Variants in RGS5 observed in about 807,000 individuals in gnomAD.
RGS5 encodes regulator of G-protein signalling 5.
In RGS5, 20 loss-of-function variants were observed where a neutral mutation model predicts 18.9. The observed-to-expected ratio is 1.06, with a 90% CI of 0.74 to 1.54. RGS5 has a LOEUF of 1.54. Among genes scored for constraint, RGS5 ranks in the 40% most tolerant of loss-of-function variants. The probability of loss-of-function intolerance (pLI) is 0.00; values close to 1 mark genes in which losing one functional copy is unlikely to be tolerated. For missense variants in RGS5, 201 were observed against 211.8 expected (o/e 0.95, Z 0.32); for synonymous variants, 57 against 76.2 (o/e 0.75, Z 1.31).
intron 2 of RGS5, among the ~76,000 whole-genome samples, chr1:163,245,659 A>G (rs149180577): frequency 2.0e-5 from 3 of 152,306 alleles, no homozygotes; most frequent in South Asian, 4.1e-4. Flanking sequence ...ATTTAGATGT[A>G]TTATTTTACC....
At chr1:163,230,999 C>A in intron 2 of RGS5, among the ~76,000 whole-genome samples, 1 of 152,244 alleles carries the variant, frequency 6.6e-6, no homozygotes, top group Middle Eastern at 3.4e-3. Context: ...GGACTTTGCA[C>A]AAGTGATTGA....
At chr1:163,277,672 T>C (rs1252170483) in intron 2 of RGS5, among the ~76,000 whole-genome samples, 1 of 152,200 alleles carries the variant, frequency 6.6e-6, no homozygotes, top group Non-Finnish European at 1.5e-5. Flanking sequence ...GTCTCATTCA[T>C]TGTCTCTGGG....
intron 2 of RGS5, among the ~76,000 whole-genome samples, chr1:163,263,789 G>A (rs1019039909): frequency 4.6e-5 from 7 of 151,718 alleles, no homozygotes; most frequent in African/African-American, 1.7e-4. Flanking sequence ...GAGGAAATGA[G>A]AATCATGAAA....
intron 1 of RGS5, among the ~76,000 whole-genome samples, chr1:163,193,684 T>C (rs1659446471): frequency 6.6e-6 from 1 of 152,166 alleles, no homozygotes; most frequent in South Asian, 2.1e-4. Context: ...ACGCCTGACA[T>C]GGATTTATGC....
At chr1:163,212,112 C>T (rs1463373395) in intron 1 of RGS5, 2 of 152,178 alleles carry the variant, frequency 1.3e-5, no homozygotes, top group African/African-American at 4.8e-5. Context: ...TCCTTCTTCA[C>T]AAATGTCTTT....
chr1:163,282,525 G>C (rs890956332), intron 2 of RGS5, among the ~76,000 whole-genome samples: 6 of 152,028 alleles, frequency 3.9e-5, no homozygotes, highest in African/African-American at 1.4e-4. Context: ...CATAGGCTAA[G>C]TGAGATCCTG....
intron 2 of RGS5, among the ~76,000 whole-genome samples, chr1:163,278,518 T>C (rs2940670): frequency 0.24 from 35,985 of 151,850 alleles, 5,589 homozygotes; most frequent in East Asian, 0.66. Context: ...TCTATTATCA[T>C]GAAAACACAG....
intron 1 of RGS5, among the ~76,000 whole-genome samples, chr1:163,208,712 G>C (rs1660025318): frequency 6.6e-6 from 1 of 151,744 alleles, no homozygotes; most frequent in Non-Finnish European, 1.5e-5. Context: ...AAAATGTATT[G>C]AATATAACAA....
chr1:163,168,214 C>T (rs536569823), intron 2 of RGS5, 44 bp downstream of exon 2: 1 of 1,402,950 alleles, frequency 7.1e-7, no homozygotes, highest in Non-Finnish European at 1.0e-6. Context: ...TGGAAAATAG[C>T]CATCCTCTGG....
intron 1 of RGS5, among the ~76,000 whole-genome samples, chr1:163,207,974 A>C (rs1350194605): frequency 6.6e-6 from 1 of 152,188 alleles, no homozygotes; most frequent in Non-Finnish European, 1.5e-5. Context: ...CATAAAAGAC[A>C]TAATTATTCA....
intron 1 of RGS5, among the ~76,000 whole-genome samples, chr1:163,215,287 G>A (rs1030774157): frequency 6.6e-6 from 1 of 152,160 alleles, no homozygotes; most frequent in African/African-American, 2.4e-5. Flanking sequence ...GAGCCCTGCT[G>A]CTTGGGTTTA....
At chr1:163,153,227 C>A (rs1040202700) in intron 3 of RGS5, among the ~76,000 whole-genome samples, 1 of 152,110 alleles carries the variant, frequency 6.6e-6, no homozygotes, top group African/African-American at 2.4e-5. Flanking sequence ...ATGTCCCAAG[C>A]ACTATGATTT....
At chr1:163,314,750 G>A (rs1259552978) in intron 1 of RGS5, among the ~76,000 whole-genome samples, 1 of 152,080 alleles carries the variant, frequency 6.6e-6, no homozygotes, top group Non-Finnish European at 1.5e-5. Context: ...TTCATGACAG[G>A]GGAGCCTTCA....
Position 163,147,357 on chromosome 1 carries a change from C to A in RGS5, c.531G>T (p.Gln177His). The A allele has an allele frequency of 6.3e-7, 1 of 1,599,130 alleles. No individual in the cohort carries two copies. The highest frequency in any genetic ancestry group is 8.5e-7 in the Non-Finnish European group (1 of 1,174,674). ...LPRFVRSEFY[Q>H]ELIK ...GGCTAAATTACTACTTGATTAACTC[C>A]TGATAAAACTCAGAGCGCACAAAGC... Residue 177 changes from glutamine to histidine, a missense_variant, in exon 5 of 5, where the codon CAG becomes CAT. Gln to His is a conservative substitution (Grantham distance 24, BLOSUM62 0). Transcript: ENST00000313961.
chr1:163,171,780 C>T lies in RGS5; in HGVS notation c.45-3412G>A, dbSNP rs143731084. Among the ~76,000 whole-genome samples, 681 of 152,298 alleles carry T rather than the reference C, an allele frequency of 4.5e-3. 4 individuals are homozygous for T. The highest frequency in any genetic ancestry group is 0.015 in the African/African-American group (641 of 41,556). ...AACTCATTGGTCATGTTTACTGTGT[C>T]AGGCAGTATGCAGTAAATATACAAA... On this transcript the variant is annotated intron_variant, in intron 1 of 4. Coordinates refer to ENST00000313961, the MANE Select transcript of RGS5 (RefSeq NM_003617.4).
At chr1:163,298,175 T>TTA (rs1277309302) in intron 2 of RGS5, among the ~76,000 whole-genome samples, 1 of 152,054 alleles carries the variant, frequency 6.6e-6, no homozygotes, top group African/African-American at 2.4e-5. Flanking sequence ...AATATGTATT[T>TTA]TATATATATA....
At position 163,274,543 on chromosome 1, in the gene RGS5, TG is replaced by T. The variant is rs1648804603; in HGVS notation, c.-281+31689del. Among the ~76,000 whole-genome samples the T allele has an allele frequency of 2.0e-5, 3 of 152,294 alleles. No homozygotes were observed. The South Asian group carries it at 6.2e-4, about 32-fold the overall frequency. The stretch of plus-strand genomic sequence containing the variant: ...AAGTAGAGTGTTTTCCTGAGCTCTG[TG>T]AGCTGTTCTAGCAAATTATTGAACC... On this transcript the variant is annotated intron_variant, in intron 2 of 5. Transcript: ENST00000618415.
chr1:163,290,404 C>A lies in RGS5; in HGVS notation c.-281+15829G>T, dbSNP rs61812186. 5.3e-3 allele frequency among the ~76,000 whole-genome samples: 802 copies of A among 152,314 alleles called. 6 individuals are homozygous for A. Among genetic ancestry groups the A allele is most frequent in the Middle Eastern group, 0.01 (3 of 294 alleles). Reference sequence around the variant, plus strand: ...CAATATTTAATCTTACAAACAATATCTGACCATTGTTGCTTTCTGTATAAT... The same window carrying A: ...CAATATTTAATCTTACAAACAATATATGACCATTGTTGCTTTCTGTATAAT... On this transcript the variant is annotated intron_variant, in intron 2 of 5. Coordinates refer to the RGS5 transcript ENST00000618415.
chr1:163,153,316 T>TGAAGAAACA lies in RGS5; in HGVS notation c.218-609_218-601dup, dbSNP rs556841888. 1.7e-4 allele frequency among the ~76,000 whole-genome samples: 26 copies of TGAAGAAACA among 152,004 alleles called. No individual in the cohort carries two copies. The South Asian group carries it at 5.4e-3, about 32-fold the overall frequency. On this transcript the variant is annotated intron_variant, in intron 3 of 4. Coordinates refer to ENST00000313961, the MANE Select transcript of RGS5 (RefSeq NM_003617.4). ...GATTCTGGAAAAAGTAGAAAGAAAA[T>TGAAGAAACA]GAAGAAACAGAAGAAACATTTACAC...
Sources: allele counts gnomAD v4.1 joint callset (sites outside exome capture counted in the v4.1 genomes callset), GRCh38; gene constraint gnomAD v4.1.1; transcripts MANE v1.5; gene names NCBI Gene and HGNC (gene_info 2026-07-23, HGNC 2026-07-21).